The following SULT1B1 variants were observed in gnomAD, a reference collection of about 807,000 sequenced individuals.
SULT1B1 encodes sulfotransferase family 1B member 1.
A neutral mutation model predicts 34.6 loss-of-function variants in SULT1B1; 28 were observed. The observed-to-expected ratio is 0.81, with a 90% CI of 0.60 to 1.11. The LOEUF (loss-of-function observed/expected upper bound fraction) is 1.11, where lower values mean the gene tolerates loss of function less well. SULT1B1 is among the 50% of genes least tolerant of loss of function. SULT1B1 has a pLI of 0.00. For missense variants in SULT1B1, 374 were observed against 352.2 expected, an observed-to-expected ratio of 1.06 and a Z score of -0.50; for synonymous variants, 147 against 110.2, an observed-to-expected ratio of 1.33 and a Z score of -2.09.
Position 69,734,271 on chromosome 4 carries a change from T to TG in SULT1B1, c.376-8dup, listed in dbSNP as rs780273019. On this transcript the variant is annotated splice_region_variant and splice_polypyrimidine_tract_variant and intron_variant, in intron 4 of 7. Coordinates refer to ENST00000310613, the MANE Select transcript of SULT1B1 (RefSeq NM_014465.4). ...TACGAGCCAGATAAATCATCTGCAGTGGGGGGTGGGGGTAGGAGAAAAAAA... is the reference window on the plus strand; with the variant it reads ...TACGAGCCAGATAAATCATCTGCAGTGGGGGGGTGGGGGTAGGAGAAAAAAA... The TG allele has an allele frequency of 2.5e-6, 4 of 1,587,658 alleles. No individual in the cohort carries two copies. The South Asian group carries it at 3.4e-5, about 13-fold the overall frequency.
In SULT1B1 at chr4:69,727,086, CTT is replaced by C; in HGVS notation, c.891_*1del. The stretch of plus-strand genomic sequence containing the variant: ...TTTCTTCAGATGTGTGATTTAGACA[CTT>C]TAAATCTCTGTGCGGAATTGAAGTG... On this transcript the variant is annotated stop_retained_variant and 3_prime_UTR_variant, in exon 8 of 8. Coordinates refer to ENST00000310613, the MANE Select transcript of SULT1B1 (RefSeq NM_014465.4). 1 of 1,596,368 alleles carries C rather than the reference CTT, an allele frequency of 6.3e-7. No individual in the cohort carries two copies. The highest frequency in any genetic ancestry group is 8.5e-7 in the Non-Finnish European group (1 of 1,171,356).
At position 69,725,157 on chromosome 4, in the gene SULT1B1, A is replaced by G. The variant is rs1717788365; in HGVS notation, c.*1931T>C. The G allele has an allele frequency of 6.6e-6, 1 of 150,940 alleles. No individual in the cohort carries two copies. The highest frequency in any genetic ancestry group is 1.5e-5 in the Non-Finnish European group (1 of 67,726). The allele number at this position is 150,940 out of a possible 1,614,324, so 9.4% of individuals were successfully genotyped here. A position where few individuals can be genotyped will look rare whatever the true frequency, so the allele number is the denominator to read the frequency against. ...GGCTAATATCCAGAATCTACAAAGA[A>G]CTCAAACAAATTTACAAGAAAAAAA... On this transcript the variant is annotated 3_prime_UTR_variant, in exon 8 of 8. Coordinates refer to ENST00000310613, the MANE Select transcript of SULT1B1 (RefSeq NM_014465.4).
At position 69,760,168 on chromosome 4, in the gene SULT1B1, G is replaced by A. The variant is rs56021044; in HGVS notation, c.-45+291C>T. On this transcript the variant is annotated intron_variant, in intron 1 of 7. Transcript: ENST00000310613. ...GGATGAAGGATGGGAGCAGAGAAAC[G>A]AAAACTTGAAAAAGATTTCTTTTTC... 6.5e-3 allele frequency: 6,150 copies of A among 942,152 alleles called. 272 individuals are homozygous for A. The African/African-American group carries it at 0.099, about 15-fold the overall frequency. 58.4% of individuals were successfully genotyped at this position (942,152 alleles called of 1,614,324 possible).
chr4:69,740,675 G>T (rs922332254), intron 4 of SULT1B1, among the ~76,000 whole-genome samples: 1 of 152,178 alleles, frequency 6.6e-6, no homozygotes, highest in Non-Finnish European at 1.5e-5. Flanking sequence ...TATGCCTTCA[G>T]GTAACTACTC....
chr4:69,749,697 A>T, intron 4 of SULT1B1, 24 bp downstream of exon 4: 3 of 1,562,916 alleles, frequency 1.9e-6, no homozygotes, highest in Non-Finnish European at 2.6e-6. Context: ...ATACTAAAAA[A>T]CTGACATGGA....
At chr4:69,751,259 G>A (rs1387216219) in intron 3 of SULT1B1, among the ~76,000 whole-genome samples, 1 of 152,116 alleles carries the variant, frequency 6.6e-6, no homozygotes, top group Non-Finnish European at 1.5e-5. Flanking sequence ...ACTTATGTCT[G>A]TTTCTTTTAA....
At chr4:69,736,431 G>T (rs1718313569) in intron 4 of SULT1B1, among the ~76,000 whole-genome samples, 1 of 152,160 alleles carries the variant, frequency 6.6e-6, no homozygotes, top group African/African-American at 2.4e-5. Flanking sequence ...ATTCAAAAGA[G>T]ATCCCTACTT....
At chr4:69,732,308 G>A (rs1343691676) in intron 6 of SULT1B1, among the ~76,000 whole-genome samples, 1 of 152,148 alleles carries the variant, frequency 6.6e-6, no homozygotes, top group African/African-American at 2.4e-5. Flanking sequence ...GATTCTTTGT[G>A]CTAAGATACG....
At chr4:69,728,840 C>A (rs771830757) in intron 7 of SULT1B1, among the ~76,000 whole-genome samples, 21 of 152,008 alleles carry the variant, frequency 1.4e-4, no homozygotes, top group Non-Finnish European at 4.4e-5. Flanking sequence ...GTAATCAGAG[C>A]TTTGGCAGGT....
intron 4 of SULT1B1, among the ~76,000 whole-genome samples, chr4:69,748,805 T>C (rs1718855058): frequency 2.0e-5 from 3 of 152,112 alleles, no homozygotes; most frequent in African/African-American, 7.2e-5. Context: ...GTGCATAGCA[T>C]TGAGTGCAAT....
chr4:69,745,334 T>C (rs771436319), intron 4 of SULT1B1, among the ~76,000 whole-genome samples: 4 of 152,242 alleles, frequency 2.6e-5, no homozygotes, highest in Admixed American at 6.5e-5. Context: ...TATGTGGTTA[T>C]GTAAGTATCT....
chr4:69,744,580 T>A (rs1046471721), intron 4 of SULT1B1, among the ~76,000 whole-genome samples: 5 of 152,208 alleles, frequency 3.3e-5, no homozygotes, highest in African/African-American at 1.2e-4. Flanking sequence ...GTGGTGTTGG[T>A]GGTTATTCTT....
chr4:69,737,958 C>T (rs774464056), intron 4 of SULT1B1, among the ~76,000 whole-genome samples: 17 of 152,040 alleles, frequency 1.1e-4, no homozygotes, highest in Non-Finnish European at 2.2e-4. Flanking sequence ...GATTTCGTCA[C>T]CCAGGTAGTG....
At chr4:69,758,724 A>G (rs1388700304) in intron 1 of SULT1B1, among the ~76,000 whole-genome samples, 1 of 152,174 alleles carries the variant, frequency 6.6e-6, no homozygotes, top group African/African-American at 2.4e-5. Context: ...TTGATTCCCC[A>G]TGTAGCAAGT....
At chr4:69,759,800 T>C (rs1719325906) in intron 1 of SULT1B1, among the ~76,000 whole-genome samples, 2 of 152,224 alleles carry the variant, frequency 1.3e-5, no homozygotes, top group Admixed American at 1.3e-4. Context: ...TTGTAAATTA[T>C]ACATGGGATC....
rs533975710 is a variant in SULT1B1, at chr4:69,735,819, C to T, written c.376-1555G>A. ...GTCTTGGAGGGTGGACCAATCATCC[C>T]CCACACCTCAAAAGGAATATCAAAT... On this transcript the variant is annotated intron_variant, in intron 4 of 7. Transcript: ENST00000310613. 4.1e-4 allele frequency among the ~76,000 whole-genome samples: 62 copies of T among 152,214 alleles called. 1 individual carries two copies. In the South Asian group the frequency reaches 0.012, roughly 31 times the overall value.
At chr4:69,739,518 G>C (rs1718455275) in intron 4 of SULT1B1, among the ~76,000 whole-genome samples, 1 of 152,192 alleles carries the variant, frequency 6.6e-6, no homozygotes, top group Admixed American at 6.5e-5. Context: ...AGGTCACCAA[G>C]TCCCTAGACT....
Position 69,748,136 on chromosome 4 carries a change from A to G in SULT1B1, c.375+1585T>C, listed in dbSNP as rs372873039. On this transcript the variant is annotated intron_variant, in intron 4 of 7. Coordinates refer to ENST00000310613, the MANE Select transcript of SULT1B1 (RefSeq NM_014465.4). ...AACTTAGCTGTATGCTGTTCAAAAG[A>G]CACACTTCAAACAAAATGACAATGA... Among the ~76,000 whole-genome samples, 73 of 152,302 alleles carry G rather than the reference A, an allele frequency of 4.8e-4. 2 individuals carry two copies. The South Asian group carries it at 0.015, about 31-fold the overall frequency.
At chr4:69,731,308 C>T (rs751647774) in intron 6 of SULT1B1, among the ~76,000 whole-genome samples, 20 of 152,188 alleles carry the variant, frequency 1.3e-4, no homozygotes, top group Non-Finnish European at 2.4e-4. Flanking sequence ...CTAAGTTGCA[C>T]ACTCCTTATG....
Sources: allele counts gnomAD v4.1 joint callset (sites outside exome capture counted in the v4.1 genomes callset), GRCh38; gene constraint gnomAD v4.1.1; transcripts MANE v1.5; gene names NCBI Gene and HGNC (gene_info 2026-07-23, HGNC 2026-07-21).